Variants in INO80 observed in about 807,000 individuals in gnomAD.
The protein encoded by INO80 is chromatin-remodeling ATPase INO80.
INO80 carries 20 observed loss-of-function variants against 203.4 expected under a neutral mutation model. The ratio of observed to expected loss-of-function variants is 0.10; its 90% CI spans 0.07 to 0.14. INO80 has a LOEUF of 0.14. Among genes scored for constraint, INO80 ranks in the 10% least tolerant of loss-of-function variants. The pLI, the probability that INO80 is intolerant of heterozygous loss-of-function variation, is 1.00. For missense variants in INO80, 1,419 were observed against 1,914.4 expected, an observed-to-expected ratio of 0.74 and a Z score of 4.83; for synonymous variants, 726 against 685.2, an observed-to-expected ratio of 1.06 and a Z score of -0.93.
rs948561276 is a variant in INO80, at chr15:41,059,855, G to A, written c.1842+12C>T. 6.3e-7 allele frequency: 1 copy of A among 1,582,734 alleles called. No homozygotes were observed. The highest frequency in any genetic ancestry group is 1.3e-5 in the African/African-American group (1 of 74,364). ...TACGGTACGTATGTATGCAGTTTAA[G>A]TAGAATGTTACCTGACTCCAGAACC... On this transcript the variant is annotated intron_variant, in intron 15 of 35. Coordinates refer to ENST00000648947, the MANE Select transcript of INO80 (RefSeq NM_017553.3).
At chr15:41,005,794 A>T (rs1204054637) in intron 27 of INO80, 107 bp from the exon 28 acceptor site, 1 of 589,532 alleles carries the variant, frequency 1.7e-6, no homozygotes, top group Non-Finnish European at 3.0e-6. Context: ...GAGGCAAGCC[A>T]TTATAACCAG....
At chr15:41,063,386 G>A (rs904483754) in intron 14 of INO80, among the ~76,000 whole-genome samples, 2 of 151,798 alleles carry the variant, frequency 1.3e-5, no homozygotes, top group African/African-American at 4.8e-5. Flanking sequence ...TTAAACAGGT[G>A]CCACAAGTAG....
intron 24 of INO80, among the ~76,000 whole-genome samples, chr15:41,042,070 G>A (rs916230040): frequency 1.3e-5 from 2 of 149,962 alleles, no homozygotes; most frequent in Non-Finnish European, 3.0e-5. Context: ...CTGGAGTGCA[G>A]GTGCATGATC....
intron 29 of INO80, among the ~76,000 whole-genome samples, chr15:40,988,499 T>C (rs553870483): frequency 5.3e-5 from 8 of 152,284 alleles, no homozygotes; most frequent in Non-Finnish European, 8.8e-5. Flanking sequence ...GGTGGGAGGA[T>C]TGCTTGAGCC....
rs1320191557 is a variant in INO80 at position 41,079,776 on chromosome 15, T to C, written c.1056A>G (p.Lys352=). The change falls in exon 9 of 36, where the codon AAA becomes AAG. Residue 352 remains lysine (K), a synonymous_variant. Coordinates refer to ENST00000648947, the MANE Select transcript of INO80 (RefSeq NM_017553.3). ...CTCTCTTGCGGTGCTCCTTCTCTAC[T>C]TTCTCATATTTCTTCCAGTACAGAA... ...EMLLYWKKYE[K]VEKEHRKRAE... is the part of the protein sequence containing the mutation. 1 of 1,614,158 alleles carries C rather than the reference T, an allele frequency of 6.2e-7. No individual in the cohort carries two copies. Among genetic ancestry groups the C allele is most frequent in the Non-Finnish European group, 8.5e-7 (1 of 1,180,024 alleles).
intron 35 of INO80, among the ~76,000 whole-genome samples, chr15:40,981,716 T>C (rs956779354): frequency 6.6e-6 from 1 of 152,236 alleles, no homozygotes; most frequent in Non-Finnish European, 1.5e-5. Context: ...CTGTACTTTA[T>C]AGCTACAATC....
At chr15:41,060,414 C>T (rs1469369397) in intron 14 of INO80, among the ~76,000 whole-genome samples, 1 of 151,868 alleles carries the variant, frequency 6.6e-6, no homozygotes, top group Non-Finnish European at 1.5e-5. Context: ...CATGGTGAAA[C>T]GTCTCTACTG....
At chr15:41,031,431 AG>A (rs2044460305) in intron 24 of INO80, among the ~76,000 whole-genome samples, 1 of 142,352 alleles carries the variant, frequency 7.0e-6, no homozygotes, top group Non-Finnish European at 1.5e-5. Context: ...AGAGGGAGAA[AG>A]AAAGAAGGAA....
chr15:41,072,688 A>C (rs191711513), intron 11 of INO80, among the ~76,000 whole-genome samples: 16 of 151,334 alleles, frequency 1.1e-4, no homozygotes, highest in African/African-American at 3.9e-4. Context: ...AATAACAAAG[A>C]GCAAGTTATT....
intron 16 of INO80, among the ~76,000 whole-genome samples, chr15:41,057,328 C>T (rs1449371200): frequency 2.6e-5 from 4 of 151,824 alleles, no homozygotes; most frequent in African/African-American, 4.8e-5. Context: ...TGGTGGCACA[C>T]GCCTATAGTC....
chr15:41,085,341 T>C (rs1283962857), intron 7 of INO80, 28 bp downstream of exon 7: 2 of 1,590,978 alleles, frequency 1.3e-6, no homozygotes, highest in African/African-American at 2.7e-5. Context: ...ATTCTCCTAA[T>C]TTCCATCTCC....
At chr15:41,095,012 T>C (rs1219353460) in intron 4 of INO80, among the ~76,000 whole-genome samples, 1 of 144,986 alleles carries the variant, frequency 6.9e-6, no homozygotes, top group Non-Finnish European at 1.5e-5. Context: ...CTCCAAGATA[T>C]CTCATTTTGT....
At chr15:41,106,735 C>G (rs1214104774) in intron 1 of INO80, among the ~76,000 whole-genome samples, 1 of 152,174 alleles carries the variant, frequency 6.6e-6, no homozygotes, top group Non-Finnish European at 1.5e-5. Context: ...TATATTAACT[C>G]AAGTATGTAC....
chr15:41,096,134 T>C (rs2140667671), intron 2 of INO80, 34 bp downstream of exon 2: 1 of 1,559,224 alleles, frequency 6.4e-7, no homozygotes, highest in Non-Finnish European at 8.7e-7. Context: ...ATCAGGAATT[T>C]GGTAAAACAT....
chr15:41,061,001 T>C (rs778688529), intron 14 of INO80, among the ~76,000 whole-genome samples: 5 of 152,108 alleles, frequency 3.3e-5, no homozygotes, highest in Admixed American at 2.0e-4. Context: ...ATTAAAATAA[T>C]AAAAATATTA....
chr15:41,069,048 T>A (rs1263764444), intron 14 of INO80, among the ~76,000 whole-genome samples: 1 of 152,212 alleles, frequency 6.6e-6, no homozygotes, highest in Non-Finnish European at 1.5e-5. Flanking sequence ...TATCCATTTA[T>A]CAGGCTAAAT....
intron 26 of INO80, chr15:41,017,497 T>C (rs924768555): frequency 6.6e-6 from 1 of 152,246 alleles, no homozygotes; most frequent in African/African-American, 2.4e-5. Flanking sequence ...TTTGAACCTA[T>C]GGCTTTTCTT....
At chr15:41,052,270 T>C (rs1481304738) in intron 19 of INO80, among the ~76,000 whole-genome samples, 2 of 152,194 alleles carry the variant, frequency 1.3e-5, no homozygotes, top group African/African-American at 4.8e-5. Context: ...TGCTATTTAT[T>C]AGCTAAAATC....
chr15:41,113,992 G>A (rs2045991870), intron 1 of INO80, among the ~76,000 whole-genome samples: 1 of 152,152 alleles, frequency 6.6e-6, no homozygotes, highest in Non-Finnish European at 1.5e-5. Flanking sequence ...AATTCAGCCG[G>A]GCACGGTGGC....
Sources: gnomAD v4.1 joint callset for allele counts (sites outside exome capture counted in the v4.1 genomes callset) on GRCh38, gnomAD v4.1.1 for gene constraint, MANE v1.5 for transcripts, NCBI Gene and HGNC (gene_info 2026-07-23, HGNC 2026-07-21) for gene names.